DOCK5: variants seen among roughly 807,000 people sequenced by gnomAD.
DOCK5 encodes dedicator of cytokinesis 5.
Under a neutral mutation model 251.8 loss-of-function variants are expected in DOCK5, and 142 were observed. That is an observed-to-expected ratio of 0.56 (90% CI 0.49 to 0.65). The LOEUF (loss-of-function observed/expected upper bound fraction) is 0.65, where lower values mean the gene tolerates loss of function less well. Among genes scored for constraint, DOCK5 ranks in the 30% least tolerant of loss-of-function variants. The pLI is 0.00. For synonymous variants in DOCK5, 842 were observed against 835.5 expected, an observed-to-expected ratio of 1.01 and a Z score of -0.13; for missense variants, 2,111 against 2,312.3, an observed-to-expected ratio of 0.91 and a Z score of 1.79.
At chr8:25,267,794 C>G (rs1350757352) in intron 2 of DOCK5, among the ~76,000 whole-genome samples, 1 of 151,886 alleles carries the variant, frequency 6.6e-6, no homozygotes, top group African/African-American at 2.4e-5. Flanking sequence ...TGTTTATGGA[C>G]AGAGTAAATT....
intron 1 of DOCK5, among the ~76,000 whole-genome samples, chr8:25,230,852 A>AAAAT (rs911816594): frequency 9.2e-5 from 14 of 152,208 alleles, no homozygotes; most frequent in East Asian, 3.9e-4. Flanking sequence ...CTCCATCTCA[A>AAAAT]AAATAAATAA....
intron 1 of DOCK5, among the ~76,000 whole-genome samples, chr8:25,216,954 T>C (rs528509517): frequency 3.0e-5 from 2 of 67,692 alleles, no homozygotes; most frequent in Non-Finnish European, 5.4e-5. Context: ...GTATACAATA[T>C]GTATAGATGT....
At chr8:25,197,911 C>T (rs1381114309) in intron 1 of DOCK5, among the ~76,000 whole-genome samples, 2 of 151,898 alleles carry the variant, frequency 1.3e-5, no homozygotes, top group South Asian at 2.1e-4. Flanking sequence ...CCACCATGCC[C>T]GGCTAATTTT....
At chr8:25,325,714 G>T (rs758333415) in intron 18 of DOCK5, among the ~76,000 whole-genome samples, 167 bp downstream of exon 18, 1 of 152,180 alleles carries the variant, frequency 6.6e-6, no homozygotes, top group Non-Finnish European at 1.5e-5. Flanking sequence ...GGGTAGTGCT[G>T]ATCACATTGC....
intron 1 of DOCK5, among the ~76,000 whole-genome samples, chr8:25,207,433 C>T (rs967377123): frequency 3.9e-5 from 6 of 152,140 alleles, no homozygotes; most frequent in African/African-American, 7.2e-5. Flanking sequence ...AAGTCAGTGA[C>T]GGGCATCAAA....
At position 25,372,713 on chromosome 8, in the gene DOCK5, G is replaced by A. The variant is rs771407695; in HGVS notation, c.3679G>A (p.Val1227Met). ...GAACCGTATGAGCTGCACTGTGAACGTGCTGGTATGTGACATGCCTCCGGT... is the reference window on the plus strand; with the variant it reads ...GAACCGTATGAGCTGCACTGTGAACATGCTGGTATGTGACATGCCTCCGGT... ...KENRMSCTVN[V>M]LNFYKEKKRE... is the part of the protein sequence containing the mutation. Residue 1227 changes from valine to methionine, a missense_variant, in exon 35 of 52, where the codon GTG becomes ATG. Physicochemically the swap from Val to Met is conservative, Grantham distance 21. Transcript: ENST00000276440. 4 of 1,609,688 alleles carry A rather than the reference G, an allele frequency of 2.5e-6. No homozygotes were observed. Among genetic ancestry groups the A allele is most frequent in the Non-Finnish European group, 2.5e-6 (3 of 1,178,090 alleles).
Position 25,349,320 on chromosome 8 carries a change from G to T in DOCK5, c.2755-2411G>T, listed in dbSNP as rs572174662. On this transcript the variant is annotated intron_variant, in intron 26 of 51. Coordinates refer to ENST00000276440, the MANE Select transcript of DOCK5 (RefSeq NM_024940.8). ...TGAAAAACTATGAAAAACAGACTAT[G>T]AAAAACAGGGAATGCAAATTATTAG... 2.6e-5 allele frequency among the ~76,000 whole-genome samples: 4 copies of T among 152,246 alleles called. No homozygotes were observed. The South Asian group carries it at 8.3e-4, about 32-fold the overall frequency.
At chr8:25,299,675 G>A (rs1352292400) in intron 8 of DOCK5, among the ~76,000 whole-genome samples, 1 of 152,126 alleles carries the variant, frequency 6.6e-6, no homozygotes, top group Admixed American at 6.5e-5. Context: ...GCTCAACTTT[G>A]CTGCAAAGCC....
chr8:25,195,725 A>G (rs1241563846), intron 1 of DOCK5, among the ~76,000 whole-genome samples: 1 of 152,182 alleles, frequency 6.6e-6, no homozygotes, highest in East Asian at 1.9e-4. Context: ...CCCTAGCTGC[A>G]TGATCCCACC....
intron 17 of DOCK5, among the ~76,000 whole-genome samples, chr8:25,324,698 G>C (rs1303310732): frequency 6.6e-6 from 1 of 152,042 alleles, no homozygotes; most frequent in African/African-American, 2.4e-5. Context: ...CAACGTGCAG[G>C]TTTGTTACAG....
At chr8:25,269,074 T>C (rs1002546451) in intron 3 of DOCK5, among the ~76,000 whole-genome samples, 189 bp downstream of exon 3, 6 of 152,226 alleles carry the variant, frequency 3.9e-5, no homozygotes, top group African/African-American at 1.4e-4. Flanking sequence ...GTAAATCCCA[T>C]TGACTGTATT....
chr8:25,206,465 A>T lies in DOCK5; in HGVS notation c.43+21514A>T, dbSNP rs1314861739. 2.0e-5 allele frequency among the ~76,000 whole-genome samples: 3 copies of T among 152,222 alleles called. No homozygotes were observed. The East Asian group carries it at 5.8e-4, about 29-fold the overall frequency. The stretch of plus-strand genomic sequence containing the variant: ...CCAGCAGTGGATTAAGAGATAGCTC[A>T]CAGAATTCCTGAAAATTCCTGAAAA... On this transcript the variant is annotated intron_variant, in intron 1 of 51. Transcript: ENST00000276440.
In DOCK5 at chr8:25,296,634, A is replaced by G; in HGVS notation, c.592A>G (p.Ile198Val). ...EVASKRIEEK[I>V]QEEKSILQNL... The stretch of plus-strand genomic sequence containing the variant: ...GGCCTCCAAAAGGATTGAGGAAAAG[A>G]TCCAAGAAGAGAAGGTACAGTTCCT... The change falls in exon 7 of 52, where the codon ATC (isoleucine) becomes GTC (valine). Residue 198 changes from isoleucine (I) to valine (V), a missense_variant. This residue lies in a region of DOCK5 where 335 missense variants were observed against 324.9 expected (regional missense o/e 1.03). Transcript: ENST00000276440. The G allele has an allele frequency of 6.2e-7, 1 of 1,612,924 alleles. No homozygotes were observed. The highest frequency in any genetic ancestry group is 1.3e-5 in the African/African-American group (1 of 75,026).
chr8:25,388,489 G>A (rs1292012764), intron 40 of DOCK5, among the ~76,000 whole-genome samples: 2 of 152,164 alleles, frequency 1.3e-5, no homozygotes, highest in African/African-American at 4.8e-5. Flanking sequence ...GTCTAGAGTG[G>A]AGAAAATAGT....
At chr8:25,184,979 C>A in intron 1 of DOCK5, 28 bp downstream of exon 1, 1 of 1,351,412 alleles carries the variant, frequency 7.4e-7, no homozygotes, top group East Asian at 2.9e-5. Flanking sequence ...CTTGTCCCGG[C>A]CCGACCCACG....
At chr8:25,345,911 G>A (rs1271921607) in intron 26 of DOCK5, among the ~76,000 whole-genome samples, 4 of 151,840 alleles carry the variant, frequency 2.6e-5, no homozygotes, top group African/African-American at 9.7e-5. Flanking sequence ...GTGCAGTGGC[G>A]CGATCTCGGC....
chr8:25,225,595 A>G (rs1802511671), intron 1 of DOCK5, among the ~76,000 whole-genome samples: 1 of 151,496 alleles, frequency 6.6e-6, no homozygotes, highest in Non-Finnish European at 1.5e-5. Context: ...AGTCCCAGCT[A>G]TTTGGGAGGC....
chr8:25,380,142 T>A (rs1205465214), intron 38 of DOCK5, among the ~76,000 whole-genome samples, 163 bp from the exon 39 acceptor site: 1 of 152,190 alleles, frequency 6.6e-6, no homozygotes, highest in African/African-American at 2.4e-5. Flanking sequence ...TGTCAGGAAA[T>A]GAAGGTTTCA....
chr8:25,307,589 C>T (rs1374958499), intron 11 of DOCK5, among the ~76,000 whole-genome samples: 1 of 152,140 alleles, frequency 6.6e-6, no homozygotes, highest in African/African-American at 2.4e-5. Context: ...ATAGGAGTGA[C>T]CTTCATGGAT....
Sources: allele counts gnomAD v4.1 joint callset (sites outside exome capture counted in the v4.1 genomes callset), GRCh38; gene constraint gnomAD v4.1.1; regional missense constraint gnomAD v4.1.1; transcripts MANE v1.5; gene names NCBI Gene and HGNC (gene_info 2026-07-23, HGNC 2026-07-21).